The following RANBP2 variants were observed in gnomAD, a reference collection of about 807,000 sequenced individuals.
RANBP2 encodes the protein E3 SUMO-protein ligase RanBP2.
A neutral mutation model predicts 303.6 loss-of-function variants in RANBP2; 57 were observed. That is an observed-to-expected ratio of 0.19 (90% CI 0.15 to 0.23). The LOEUF (loss-of-function observed/expected upper bound fraction) is 0.23. RANBP2 is among the 10% of genes least tolerant of loss of function. RANBP2 has a pLI of 1.00. For synonymous variants in RANBP2, 1,167 were observed against 1,301.5 expected, an observed-to-expected ratio of 0.90 and a Z score of 2.23; for missense variants, 3,138 against 3,780.8, an observed-to-expected ratio of 0.83 and a Z score of 4.46.
chr2:108,883,294 C>T, the RANBP2 span: 1 of 152,184 alleles, frequency 6.6e-6, no homozygotes. Flanking sequence ...ATCTCTGTGG[C>T]TGTGGTTATT....
At chr2:109,472,805 G>A in the RANBP2 span, among the ~76,000 whole-genome samples, 20 of 152,242 alleles carry the variant, frequency 1.3e-4, no homozygotes, top group African/African-American at 3.9e-4. Flanking sequence ...CCAGACGCCC[G>A]TTGGAAATCC....
At chr2:109,205,430 A>C in the RANBP2 span, among the ~76,000 whole-genome samples, 2 of 151,984 alleles carry the variant, frequency 1.3e-5, no homozygotes, top group African/African-American at 4.8e-5. Flanking sequence ...TTGTATTTTT[A>C]GTAGAGACAG....
the RANBP2 span, among the ~76,000 whole-genome samples, chr2:109,486,578 T>G: frequency 6.6e-6 from 1 of 152,194 alleles, no homozygotes; most frequent in East Asian, 1.9e-4. Context: ...AGCGCTCCTA[T>G]AGCTGTCATC....
the RANBP2 span, among the ~76,000 whole-genome samples, chr2:109,245,402 T>G: frequency 1.6e-4 from 25 of 152,224 alleles, no homozygotes; most frequent in African/African-American, 5.8e-4. Flanking sequence ...AATTTTTGTT[T>G]CTTTGTGGTT....
chr2:109,680,392 A>T, the RANBP2 span, among the ~76,000 whole-genome samples: 2 of 151,502 alleles, frequency 1.3e-5, no homozygotes, highest in African/African-American at 2.4e-5. Flanking sequence ...TAAAAAAAAA[A>T]TTTAAAAAAA....
At chr2:108,863,066 A>G in the RANBP2 span, among the ~76,000 whole-genome samples, 2 of 152,216 alleles carry the variant, frequency 1.3e-5, no homozygotes, top group African/African-American at 4.8e-5. Context: ...TTTAGTTGCA[A>G]TATTAGGTTG....
the RANBP2 span, among the ~76,000 whole-genome samples, chr2:109,365,048 T>C: frequency 2.4e-5 from 3 of 125,560 alleles, no homozygotes; most frequent in South Asian, 5.5e-4. Flanking sequence ...CACACACACA[T>C]ATAAAACAAA....
the RANBP2 span, among the ~76,000 whole-genome samples, chr2:109,572,767 C>T: frequency 6.6e-6 from 1 of 151,924 alleles, no homozygotes; most frequent in Non-Finnish European, 1.5e-5. Flanking sequence ...CAGGCATGTG[C>T]CATCATGCCT....
chr2:109,494,587 G>A, the RANBP2 span, among the ~76,000 whole-genome samples: 26 of 152,302 alleles, frequency 1.7e-4, no homozygotes, highest in African/African-American at 6.0e-4. Flanking sequence ...CTGCTGGGCT[G>A]CGCCCTGTGC....
intron 20 of RANBP2, among the ~76,000 whole-genome samples, chr2:108,771,493 GTTCAC>G (rs1374393708): frequency 6.6e-6 from 1 of 151,956 alleles, no homozygotes; most frequent in Non-Finnish European, 1.5e-5. Flanking sequence ...TAGATTCTGT[GTTCAC>G]TTAGGGTTTT....
the RANBP2 span, among the ~76,000 whole-genome samples, chr2:109,171,541 C>T: frequency 3.9e-5 from 6 of 152,382 alleles, no homozygotes; most frequent in African/African-American, 1.4e-4. Flanking sequence ...TCGCCCGCGG[C>T]GGGCCAGGGA....
chr2:109,064,056 A>C, the RANBP2 span, among the ~76,000 whole-genome samples: 1 of 152,200 alleles, frequency 6.6e-6, no homozygotes, highest in African/African-American at 2.4e-5. Flanking sequence ...AGATACTATG[A>C]GTTCTAAAGT....
At chr2:109,089,272 GA>G in the RANBP2 span, among the ~76,000 whole-genome samples, 2 of 152,120 alleles carry the variant, frequency 1.3e-5, no homozygotes, top group Non-Finnish European at 2.9e-5. Flanking sequence ...CTGAGAGCAG[GA>G]GAGGATGGAA....
the RANBP2 span, among the ~76,000 whole-genome samples, chr2:109,592,461 T>C: frequency 1.4e-5 from 2 of 147,534 alleles, no homozygotes; most frequent in African/African-American, 5.1e-5. Context: ...CAAAGCTCTG[T>C]CTCAAAAAAC....
chr2:109,707,024 G>A, the RANBP2 span, among the ~76,000 whole-genome samples: 2 of 152,338 alleles, frequency 1.3e-5, no homozygotes, highest in South Asian at 4.1e-4. Flanking sequence ...TGCCAGGAGA[G>A]AGAGGGCTGG....
chr2:108,809,263 T>C, the RANBP2 span, among the ~76,000 whole-genome samples: 1 of 152,230 alleles, frequency 6.6e-6, no homozygotes, highest in Non-Finnish European at 1.5e-5. Context: ...GCCTCCAGTT[T>C]TGTTGTTTTC....
At chr2:109,611,949 T>A in the RANBP2 span, among the ~76,000 whole-genome samples, 2 of 152,188 alleles carry the variant, frequency 1.3e-5, no homozygotes, top group Non-Finnish European at 2.9e-5. Flanking sequence ...AGCATGCAAC[T>A]ACCATATGAC....
intron 6 of RANBP2, among the ~76,000 whole-genome samples, chr2:108,737,546 A>T (rs1238276724): frequency 7.2e-6 from 1 of 138,934 alleles, no homozygotes; most frequent in African/African-American, 2.8e-5. Context: ...GGATGGTCTC[A>T]AGCTCTTTTT....
the RANBP2 span, among the ~76,000 whole-genome samples, chr2:109,727,466 C>G: frequency 6.6e-6 from 1 of 152,214 alleles, no homozygotes; most frequent in African/African-American, 2.4e-5. Flanking sequence ...AGTCCGTATC[C>G]TGGAAGTCTG....
Sources: gnomAD v4.1 joint callset for allele counts (sites outside exome capture counted in the v4.1 genomes callset) on GRCh38, gnomAD v4.1.1 for gene constraint, MANE v1.5 for transcripts, NCBI Gene and HGNC (gene_info 2026-07-23, HGNC 2026-07-21) for gene names.